Variants in VAV3 observed in about 807,000 individuals in gnomAD.
VAV3 encodes the protein vav guanine nucleotide exchange factor 3, also known as guanine nucleotide exchange factor VAV3.
A neutral mutation model predicts 131.2 loss-of-function variants in VAV3; 94 were observed. That is an observed-to-expected ratio of 0.72 (90% CI 0.61 to 0.85). VAV3 has a LOEUF of 0.85. Ranked by LOEUF, VAV3 falls within the 40% of genes least tolerant of loss-of-function variation. VAV3 has a pLI of 0.00. For synonymous variants in VAV3, 349 were observed against 342.0 expected (o/e 1.02, Z -0.22); for missense variants, 939 against 1,002.7 (o/e 0.94, Z 0.86).
intron 19 of VAV3, among the ~76,000 whole-genome samples, chr1:107,652,885 G>T (rs1209556956): frequency 6.6e-6 from 1 of 151,912 alleles, no homozygotes; most frequent in Non-Finnish European, 1.5e-5. Context: ...ATTCCTTAAA[G>T]GTTCTTACTA....
intron 2 of VAV3, among the ~76,000 whole-genome samples, chr1:107,841,366 C>T (rs17020160): frequency 0.053 from 8,044 of 151,986 alleles, 416 homozygotes; most frequent in East Asian, 0.23. Context: ...GGGAAAAAAA[C>T]TAAAGCAATA....
At chr1:107,947,407 A>G (rs913224228) in intron 1 of VAV3, among the ~76,000 whole-genome samples, 1 of 152,222 alleles carries the variant, frequency 6.6e-6, no homozygotes, top group Non-Finnish European at 1.5e-5. Flanking sequence ...TTCCAAAAGA[A>G]CTGTGAGGAA....
intron 20 of VAV3, among the ~76,000 whole-genome samples, chr1:107,621,738 T>A (rs983432894): frequency 1.3e-5 from 2 of 152,148 alleles, no homozygotes; most frequent in African/African-American, 4.8e-5. Context: ...GAATCATCTT[T>A]TAGTTATCCT....
rs1190708972 is a variant in VAV3 at position 107,840,375 on chromosome 1, A to C, written c.321+34526T>G. Among the ~76,000 whole-genome samples, 3 of 152,206 alleles carry C rather than the reference A, an allele frequency of 2.0e-5. No homozygotes were observed. In the East Asian group the frequency reaches 5.8e-4, roughly 29 times the overall value. ...TGTGCAAAGACCTTTCTTGATTGGC[A>C]CCACTTAAAGACAAGGTAGTAAAGG... is the stretch of plus-strand genomic sequence containing the variant. On this transcript the variant is annotated intron_variant, in intron 2 of 26. Transcript: ENST00000370056.
intron 2 of VAV3, among the ~76,000 whole-genome samples, chr1:107,838,533 A>G (rs1668568408): frequency 6.6e-6 from 1 of 152,218 alleles, no homozygotes. Flanking sequence ...TGTGGAGAGC[A>G]GTTTGGAGAT....
At chr1:107,795,697 T>G (rs1666505082) in intron 2 of VAV3, among the ~76,000 whole-genome samples, 1 of 152,210 alleles carries the variant, frequency 6.6e-6, no homozygotes, top group Admixed American at 6.5e-5. Flanking sequence ...TTATATCCAG[T>G]TATAAACATT....
chr1:107,596,866 G>A (rs949260921), intron 24 of VAV3, among the ~76,000 whole-genome samples: 2 of 152,166 alleles, frequency 1.3e-5, no homozygotes, highest in Non-Finnish European at 2.9e-5. Context: ...ATGAAGTATA[G>A]TACCTGTCAT....
chr1:107,619,324 A>T (rs1338701283), intron 20 of VAV3, among the ~76,000 whole-genome samples: 1 of 152,198 alleles, frequency 6.6e-6, no homozygotes, highest in Non-Finnish European at 1.5e-5. Context: ...ATCAGGAGAG[A>T]GAGGAATCAG....
chr1:107,739,805 C>T (rs1038641787), intron 15 of VAV3, among the ~76,000 whole-genome samples: 1 of 152,184 alleles, frequency 6.6e-6, no homozygotes, highest in Non-Finnish European at 1.5e-5. Context: ...ATGTCATCCC[C>T]ACATCCAGCT....
At chr1:107,623,865 T>C (rs1003062137) in intron 20 of VAV3, among the ~76,000 whole-genome samples, 2 of 152,236 alleles carry the variant, frequency 1.3e-5, no homozygotes, top group Non-Finnish European at 2.9e-5. Context: ...AAAATGTCCC[T>C]ATCTCTGGCA....
At chr1:107,695,380 TG>T (rs1659681916) in intron 17 of VAV3, among the ~76,000 whole-genome samples, 1 of 152,204 alleles carries the variant, frequency 6.6e-6, no homozygotes, top group Non-Finnish European at 1.5e-5. Context: ...TGAGATTTTC[TG>T]TGTATATCAA....
At chr1:107,778,341 A>T in intron 3 of VAV3, among the ~76,000 whole-genome samples, 1 of 152,200 alleles carries the variant, frequency 6.6e-6, no homozygotes, top group Non-Finnish European at 1.5e-5. Context: ...ATGAGAAAAA[A>T]AGGAGAAAAA....
At chr1:107,613,427 A>T (rs1173681225) in intron 21 of VAV3, among the ~76,000 whole-genome samples, 2 of 151,848 alleles carry the variant, frequency 1.3e-5, no homozygotes, top group Non-Finnish European at 2.9e-5. Context: ...TCCTTGAGCA[A>T]TTTCTTCAGA....
chr1:107,932,506 C>T (rs1673489504), intron 1 of VAV3, among the ~76,000 whole-genome samples: 1 of 152,208 alleles, frequency 6.6e-6, no homozygotes, highest in African/African-American at 2.4e-5. Flanking sequence ...AGGGTCTATG[C>T]TGCAAGGACC....
intron 25 of VAV3, chr1:107,576,288 C>T: frequency 4.3e-6 from 4 of 924,378 alleles, no homozygotes; most frequent in Non-Finnish European, 6.2e-6. Flanking sequence ...GAGGGATTGT[C>T]TGTGAGGAGA....
At chr1:107,949,929 T>C (rs989369743) in intron 1 of VAV3, among the ~76,000 whole-genome samples, 9 of 152,196 alleles carry the variant, frequency 5.9e-5, no homozygotes, top group African/African-American at 1.9e-4. Flanking sequence ...AGGTATTGCC[T>C]ATATGATTAA....
At chr1:107,651,839 T>C (rs1452477587) in intron 19 of VAV3, among the ~76,000 whole-genome samples, 1 of 152,086 alleles carries the variant, frequency 6.6e-6, no homozygotes, top group Non-Finnish European at 1.5e-5. Context: ...TAAAATTAAA[T>C]TTGAACTCCT....
At chr1:107,893,706 A>G (rs1671427946) in intron 1 of VAV3, among the ~76,000 whole-genome samples, 1 of 152,200 alleles carries the variant, frequency 6.6e-6, no homozygotes, top group Non-Finnish European at 1.5e-5. Context: ...GGTCACTCCC[A>G]CAACATGTGG....
chr1:107,698,304 A>G (rs1367853479), intron 17 of VAV3, among the ~76,000 whole-genome samples: 2 of 152,204 alleles, frequency 1.3e-5, no homozygotes, highest in African/African-American at 2.4e-5. Context: ...AACATGCCCA[A>G]TGAGACTCAC....
Sources: allele counts gnomAD v4.1 joint callset (sites outside exome capture counted in the v4.1 genomes callset), GRCh38; gene constraint gnomAD v4.1.1; transcripts MANE v1.5; gene names NCBI Gene and HGNC (gene_info 2026-07-23, HGNC 2026-07-21).